Variants in TMEM135 observed in about 807,000 individuals in gnomAD.
TMEM135 encodes transmembrane protein 135.
A neutral mutation model predicts 60.3 loss-of-function variants in TMEM135; 30 were observed. That is an observed-to-expected ratio of 0.50 (90% CI 0.37 to 0.68). The LOEUF (loss-of-function observed/expected upper bound fraction) is 0.68, where lower values mean the gene tolerates loss of function less well. Ranked by LOEUF, TMEM135 falls within the 30% of genes least tolerant of loss-of-function variation. The probability of loss-of-function intolerance (pLI) is 0.00; values close to 1 mark genes in which losing one functional copy is unlikely to be tolerated. For missense variants in TMEM135, 468 were observed against 548.8 expected (o/e 0.85, Z 1.47); for synonymous variants, 190 against 186.7 (o/e 1.02, Z -0.14).
In TMEM135 at chr11:87,274,576, A is replaced by G. The variant is rs1941932551; in HGVS notation, c.510-21206A>G. Reference sequence around the variant, plus strand: ...AAAAATTCTGTACTGACTCAAGGATACAATACTTAGTAGGAGTGAATGAAC... The same window carrying G: ...AAAAATTCTGTACTGACTCAAGGATGCAATACTTAGTAGGAGTGAATGAAC... On this transcript the variant is annotated intron_variant, in intron 6 of 14. Transcript: ENST00000305494. Among the ~76,000 whole-genome samples, 5 of 152,200 alleles carry G rather than the reference A, an allele frequency of 3.3e-5. No individual in the cohort carries two copies. In the South Asian group the frequency reaches 1.0e-3, roughly 32 times the overall value.
intron 10 of TMEM135, among the ~76,000 whole-genome samples, chr11:87,310,352 A>T (rs1942620682): frequency 6.6e-6 from 1 of 152,142 alleles, no homozygotes; most frequent in Non-Finnish European, 1.5e-5. Flanking sequence ...TATGTAAATC[A>T]TATTTTATTA....
chr11:87,279,449 A>G (rs1377437733), intron 6 of TMEM135, among the ~76,000 whole-genome samples: 2 of 152,198 alleles, frequency 1.3e-5, no homozygotes, highest in Non-Finnish European at 1.5e-5. Context: ...TAGTAATAGC[A>G]GCAGCAGTAG....
At chr11:87,059,685 A>C (rs1221522296) in intron 1 of TMEM135, among the ~76,000 whole-genome samples, 1 of 152,226 alleles carries the variant, frequency 6.6e-6, no homozygotes, top group Non-Finnish European at 1.5e-5. Context: ...ACTGCACAAC[A>C]CAAGAAGGAA....
chr11:87,256,048 C>T (rs1053108891), intron 6 of TMEM135, among the ~76,000 whole-genome samples: 1 of 152,146 alleles, frequency 6.6e-6, no homozygotes, highest in African/African-American at 2.4e-5. Context: ...GACCTCAAGA[C>T]CTGCCTATTA....
At chr11:87,091,730 T>C (rs946578132) in intron 4 of TMEM135, among the ~76,000 whole-genome samples, 2 of 152,094 alleles carry the variant, frequency 1.3e-5, no homozygotes, top group African/African-American at 2.4e-5. Context: ...ATATTCTGCC[T>C]CTGTTGTGAT....
chr11:87,267,776 TCCACCTCCCG>T (rs1941779162), intron 6 of TMEM135, among the ~76,000 whole-genome samples: 1 of 152,110 alleles, frequency 6.6e-6, no homozygotes, highest in Non-Finnish European at 1.5e-5. Flanking sequence ...CACAGCAACC[TCCACCTCCCG>T]GGTTCAAGTG....
intron 5 of TMEM135, among the ~76,000 whole-genome samples, chr11:87,168,686 C>A (rs1939139630): frequency 6.6e-6 from 1 of 152,068 alleles, no homozygotes; most frequent in South Asian, 2.1e-4. Flanking sequence ...GTTATGATTT[C>A]CATTCTTTTG....
At position 87,257,236 on chromosome 11, in the gene TMEM135, A is replaced by T. The variant is rs184231748; in HGVS notation, c.509+20552A>T. ...GAGACTTTACTGATACAGATGCTCA[A>T]ATTTGAAGCAGTTAAATTTAACTGT... On this transcript the variant is annotated intron_variant, in intron 6 of 14. Transcript: ENST00000305494. Among the ~76,000 whole-genome samples the T allele has an allele frequency of 2.6e-5, 4 of 152,314 alleles. No individual in the cohort carries two copies. The East Asian group carries it at 7.7e-4, about 29-fold the overall frequency.
chr11:87,248,293 G>T (rs575480469), intron 6 of TMEM135, among the ~76,000 whole-genome samples: 1 of 152,140 alleles, frequency 6.6e-6, no homozygotes, highest in Non-Finnish European at 1.5e-5. Flanking sequence ...CTCCATAGTG[G>T]TTGTACTAAT....
chr11:87,085,793 G>A (rs574070579), intron 3 of TMEM135, among the ~76,000 whole-genome samples: 1 of 152,268 alleles, frequency 6.6e-6, no homozygotes, highest in Admixed American at 6.5e-5. Context: ...TAATTTAGTA[G>A]TGCAAAGATT....
intron 5 of TMEM135, among the ~76,000 whole-genome samples, chr11:87,202,799 G>A (rs1565484685): frequency 6.7e-6 from 1 of 150,260 alleles, no homozygotes; most frequent in African/African-American, 2.4e-5. Context: ...TTGGGAGGCC[G>A]AGGCGGGCGG....
At chr11:87,223,035 A>T (rs1591115950) in intron 5 of TMEM135, among the ~76,000 whole-genome samples, 1 of 152,162 alleles carries the variant, frequency 6.6e-6, no homozygotes, top group South Asian at 2.1e-4. Flanking sequence ...TTGATAGGTT[A>T]TGGTCAGTTG....
chr11:87,080,170 T>TG (rs1565432238), intron 3 of TMEM135, among the ~76,000 whole-genome samples: 3 of 120,276 alleles, frequency 2.5e-5, no homozygotes, highest in East Asian at 2.2e-4. Flanking sequence ...TTTGCAGTGT[T>TG]TTTTTTTTTT....
chr11:87,223,821 G>C (rs1477892505), intron 5 of TMEM135, among the ~76,000 whole-genome samples: 2 of 150,992 alleles, frequency 1.3e-5, no homozygotes, highest in African/African-American at 2.4e-5. Context: ...CTGCACTCCA[G>C]CCTGGGTAAG....
intron 4 of TMEM135, among the ~76,000 whole-genome samples, chr11:87,112,808 A>G (rs866107773): frequency 2.6e-5 from 4 of 152,018 alleles, no homozygotes; most frequent in Non-Finnish European, 5.9e-5. Flanking sequence ...GCATATGATA[A>G]GGGTTTTTTT....
intron 5 of TMEM135, among the ~76,000 whole-genome samples, chr11:87,160,125 AT>A (rs1338988142): frequency 6.6e-6 from 1 of 152,176 alleles, no homozygotes; most frequent in Non-Finnish European, 1.5e-5. Context: ...AATTACAAAA[AT>A]ATCAGTCTTT....
At chr11:87,172,606 C>T (rs1591076677) in intron 5 of TMEM135, among the ~76,000 whole-genome samples, 2 of 151,900 alleles carry the variant, frequency 1.3e-5, no homozygotes, top group East Asian at 3.9e-4. Context: ...ATTTCTATTT[C>T]TTAAAGTTTA....
chr11:87,129,213 A>ATTTTTTTT lies in TMEM135; in HGVS notation c.397-28088_397-28081dup, dbSNP rs71040295. Among the ~76,000 whole-genome samples the ATTTTTTTT allele has an allele frequency of 2.3e-4, 27 of 116,236 alleles. 3 individuals carry two copies. Among genetic ancestry groups the ATTTTTTTT allele is most frequent in the Non-Finnish European group, 3.0e-4 (16 of 53,232 alleles). The allele number at this position is 116,236 out of a possible 152,430, so 76.3% of individuals were successfully genotyped here. ...TTCTATACATGTTCCTTATTCCTTA[A>ATTTTTTTT]TTTTTTTTTTTTTTTTTTTTTTTTT... is the stretch of plus-strand genomic sequence containing the variant. On this transcript the variant is annotated intron_variant, in intron 4 of 14. Transcript: ENST00000305494.
At chr11:87,258,951 C>T (rs752572151) in intron 6 of TMEM135, 45 of 1,499,152 alleles carry the variant, frequency 3.0e-5, no homozygotes, top group Non-Finnish European at 3.6e-5. Flanking sequence ...GCTGCTGTTG[C>T]TCGGTTTGCA....
Sources: gnomAD v4.1 joint callset for allele counts (sites outside exome capture counted in the v4.1 genomes callset) on GRCh38, gnomAD v4.1.1 for gene constraint, MANE v1.5 for transcripts, NCBI Gene and HGNC (gene_info 2026-07-23, HGNC 2026-07-21) for gene names.